AGPAT3: variants seen among roughly 807,000 people sequenced by gnomAD.
AGPAT3 encodes the protein 1-acyl-sn-glycerol-3-phosphate acyltransferase gamma.
Under a neutral mutation model 47.3 loss-of-function variants are expected in AGPAT3, and 5 were observed. That is an observed-to-expected ratio of 0.11 (90% CI 0.06 to 0.22). The LOEUF (loss-of-function observed/expected upper bound fraction) is 0.22, where lower values mean the gene tolerates loss of function less well. AGPAT3 is among the 10% of genes least tolerant of loss of function. The pLI is 1.00. For missense variants in AGPAT3, 315 were observed against 493.0 expected, an observed-to-expected ratio of 0.64 and a Z score of 3.42; for synonymous variants, 212 against 208.3, an observed-to-expected ratio of 1.02 and a Z score of -0.15.
intron 1 of AGPAT3, among the ~76,000 whole-genome samples, chr21:43,889,434 T>G (rs1031976077): frequency 4.6e-5 from 7 of 152,220 alleles, no homozygotes; most frequent in African/African-American, 1.7e-4. Flanking sequence ...CCTTTTGATT[T>G]GTTAATATCA....
chr21:43,880,759 C>T lies in AGPAT3; in HGVS notation c.-112+15414C>T, dbSNP rs909750783. Among the ~76,000 whole-genome samples, 7 of 152,214 alleles carry T rather than the reference C, an allele frequency of 4.6e-5. No individual in the cohort carries two copies. The highest frequency in any genetic ancestry group is 1.3e-4 in the Admixed American group (2 of 15,286). ...AAACAAGGACACGTCTAGAGACAGGCGCTGGACGTCTCCTGCTCACTGGCA... is the reference window on the plus strand; with the variant it reads ...AAACAAGGACACGTCTAGAGACAGGTGCTGGACGTCTCCTGCTCACTGGCA... On this transcript the variant is annotated intron_variant, in intron 1 of 9. Coordinates refer to ENST00000291572, the MANE Select transcript of AGPAT3 (RefSeq NM_020132.5). This position sits in a 1 kb window ranked among gnomAD's most constrained non-coding sequence, Gnocchi z 4.5.
intron 1 of AGPAT3, among the ~76,000 whole-genome samples, chr21:43,896,903 A>G (rs2086227956): frequency 8.2e-6 from 1 of 122,316 alleles, no homozygotes; most frequent in Non-Finnish European, 1.7e-5. Context: ...TAGACAGTGT[A>G]TGATTGGAGG....
Position 43,982,685 on chromosome 21 carries a change from C to A in AGPAT3, c.*293C>A, listed in dbSNP as rs898194894. Reference sequence around the variant, plus strand: ...CCAGAACTCCGCTTCCAAGAGGGAGCCTTTGGCTGCTTTCTCTCCTTAAAC... The same window carrying A: ...CCAGAACTCCGCTTCCAAGAGGGAGACTTTGGCTGCTTTCTCTCCTTAAAC... On this transcript the variant is annotated 3_prime_UTR_variant, in exon 10 of 10. Transcript: ENST00000291572. This position sits in a 1 kb window ranked among gnomAD's most constrained non-coding sequence, Gnocchi z 6.2. The A allele has an allele frequency of 2.6e-4, 63 of 243,378 alleles. No homozygotes were observed. Among genetic ancestry groups the A allele is most frequent in the Admixed American group, 5.7e-5 (1 of 17,626 alleles). 15.1% of individuals were successfully genotyped at this position (243,378 alleles called of 1,614,324 possible).
intron 1 of AGPAT3, among the ~76,000 whole-genome samples, chr21:43,891,908 G>A (rs953307287): frequency 2.0e-4 from 30 of 152,062 alleles, no homozygotes; most frequent in African/African-American, 4.3e-4. Flanking sequence ...AATCCTTTCC[G>A]GAAGGTTTTC....
intron 3 of AGPAT3, among the ~76,000 whole-genome samples, chr21:43,962,167 A>AT (rs1307212376): frequency 1.1e-4 from 17 of 151,384 alleles, no homozygotes; most frequent in African/African-American, 2.2e-4. Flanking sequence ...CTCCTGGCTA[A>AT]TTTTTTTTGT....
Position 43,922,375 on chromosome 21 carries a change from A to G in AGPAT3, c.-49+18356A>G, listed in dbSNP as rs2086918801. Among the ~76,000 whole-genome samples the G allele has an allele frequency of 6.6e-6, 1 of 152,160 alleles. No individual in the cohort carries two copies. Among genetic ancestry groups the G allele is most frequent in the South Asian group, 2.1e-4 (1 of 4,828 alleles). ...GTGCAGCCCCCAGGACGCTGGGCCG[A>G]GCCAGGCAGGGACCTGCTTCAGTCC... On this transcript the variant is annotated intron_variant, in intron 2 of 9. Coordinates refer to ENST00000291572, the MANE Select transcript of AGPAT3 (RefSeq NM_020132.5). This position sits in a 1 kb window ranked among gnomAD's most constrained non-coding sequence, Gnocchi z 4.9.
At chr21:43,913,828 G>A (rs2086677137) in intron 2 of AGPAT3, among the ~76,000 whole-genome samples, 1 of 152,188 alleles carries the variant, frequency 6.6e-6, no homozygotes, top group South Asian at 2.1e-4. Context: ...AATGCCAGGA[G>A]TACCGAGGTC....
intron 2 of AGPAT3, among the ~76,000 whole-genome samples, chr21:43,942,998 A>G (rs1034696123): frequency 2.0e-5 from 3 of 152,212 alleles, no homozygotes; most frequent in Admixed American, 1.3e-4. Context: ...TTTCCACAGC[A>G]GAGGGAGGGA....
At chr21:43,945,925 C>T (rs1463988790) in intron 2 of AGPAT3, among the ~76,000 whole-genome samples, 1 of 152,190 alleles carries the variant, frequency 6.6e-6, no homozygotes, top group East Asian at 1.9e-4. Flanking sequence ...CTGGTGGGGG[C>T]TGGACAGGGG....
chr21:43,899,413 C>A (rs1251486070), intron 1 of AGPAT3, among the ~76,000 whole-genome samples: 1 of 152,212 alleles, frequency 6.6e-6, no homozygotes, highest in Non-Finnish European at 1.5e-5. Context: ...AGGACACCAT[C>A]AAGAAAGGAC....
intron 2 of AGPAT3, among the ~76,000 whole-genome samples, chr21:43,951,793 C>A (rs753522320): frequency 6.6e-6 from 1 of 152,212 alleles, no homozygotes; most frequent in Non-Finnish European, 1.5e-5. Flanking sequence ...ACCAGGGACT[C>A]CTCTGTTCAG....
Position 43,959,638 on chromosome 21 carries a change from G to A in AGPAT3, c.-44G>A. On this transcript the variant is annotated 5_prime_UTR_variant, in exon 3 of 10. Coordinates refer to ENST00000291572, the MANE Select transcript of AGPAT3 (RefSeq NM_020132.5). Reference sequence around the variant, plus strand: ...TCCCTGTCCCTGTCTTTGCAGGACGGCTGTCCTCAGCGAGGGGCCGTGCAC... The same window carrying A: ...TCCCTGTCCCTGTCTTTGCAGGACGACTGTCCTCAGCGAGGGGCCGTGCAC... 6.2e-7 allele frequency: 1 copy of A among 1,605,894 alleles called. No individual in the cohort carries two copies.
intron 2 of AGPAT3, among the ~76,000 whole-genome samples, chr21:43,947,400 C>T (rs575858102): frequency 1.6e-4 from 25 of 152,290 alleles, no homozygotes; most frequent in African/African-American, 5.5e-4. Flanking sequence ...TAAGAGAGGC[C>T]GACCAGGGCT....
intron 2 of AGPAT3, among the ~76,000 whole-genome samples, chr21:43,913,240 T>A (rs1344217274): frequency 6.6e-6 from 1 of 152,178 alleles, no homozygotes; most frequent in Non-Finnish European, 1.5e-5. Flanking sequence ...TTAAAGAAAT[T>A]TTTGCATTCA....
intron 2 of AGPAT3, among the ~76,000 whole-genome samples, chr21:43,917,664 A>T (rs2086762909): frequency 6.6e-6 from 1 of 151,618 alleles, no homozygotes. Context: ...AGGTGGGGGG[A>T]TGTGTGGCAC....
chr21:43,898,588 C>T (rs1316064922), intron 1 of AGPAT3, among the ~76,000 whole-genome samples: 1 of 152,104 alleles, frequency 6.6e-6, no homozygotes, highest in Non-Finnish European at 1.5e-5. Context: ...GTGCAGTGGG[C>T]CAATCTTGGC....
intron 2 of AGPAT3, among the ~76,000 whole-genome samples, chr21:43,942,570 C>T (rs1470660967): frequency 6.6e-6 from 1 of 152,226 alleles, no homozygotes; most frequent in East Asian, 1.9e-4. Flanking sequence ...GGGTTCTAGA[C>T]CAGGAACCCT....
intron 1 of AGPAT3, among the ~76,000 whole-genome samples, chr21:43,897,817 C>T (rs1030222171): frequency 8.5e-5 from 13 of 152,128 alleles, no homozygotes; most frequent in Admixed American, 1.3e-4. Context: ...TGTAGCGAGC[C>T]GAGATCACGC....
At chr21:43,948,966 G>A (rs982687504) in intron 2 of AGPAT3, among the ~76,000 whole-genome samples, 2 of 152,138 alleles carry the variant, frequency 1.3e-5, no homozygotes, top group Non-Finnish European at 2.9e-5. Context: ...AGTCTCAATT[G>A]TTGGTCTGCA....
Sources: allele counts gnomAD v4.1 joint callset (sites outside exome capture counted in the v4.1 genomes callset), GRCh38; gene constraint gnomAD v4.1.1; non-coding constraint Gnocchi (gnomAD v3.1); transcripts MANE v1.5; gene names NCBI Gene and HGNC (gene_info 2026-07-23, HGNC 2026-07-21).